DBF4: variants seen among roughly 807,000 people sequenced by gnomAD.
DBF4 encodes the protein DBF4-CDC7 kinase regulatory subunit.
A neutral mutation model predicts 76.6 loss-of-function variants in DBF4; 25 were observed. The observed-to-expected ratio is 0.33, with a 90% CI of 0.24 to 0.46. DBF4 has a LOEUF of 0.46. Ranked by LOEUF, DBF4 falls within the 20% of genes least tolerant of loss-of-function variation. DBF4 has a pLI of 1.00. For missense variants in DBF4, 638 were observed against 760.8 expected (o/e 0.84, Z 1.90); for synonymous variants, 213 against 258.0 (o/e 0.83, Z 1.67).
intron 11 of DBF4, among the ~76,000 whole-genome samples, chr7:87,906,390 G>A (rs1393331705): frequency 7.0e-6 from 1 of 142,808 alleles, no homozygotes; most frequent in Admixed American, 7.0e-5. Flanking sequence ...GTAAGTAAAT[G>A]TATGAACAAG....
In DBF4 at chr7:87,907,676, T is replaced by C; in HGVS notation, c.1538T>C (p.Phe513Ser). 1 of 1,614,076 alleles carries C rather than the reference T, an allele frequency of 6.2e-7. No individual in the cohort carries two copies. The highest frequency in any genetic ancestry group is 1.7e-4 in the Middle Eastern group (1 of 6,060). The change falls in exon 12 of 12, where the codon TTT (phenylalanine) becomes TCT (serine). Residue 513 changes from phenylalanine to serine, a missense_variant. Transcript: ENST00000265728. ...QPKQKSDTVL[F>S]PAKDLKEKDL... The stretch of plus-strand genomic sequence containing the variant: ...AAACAGAAGTCAGATACTGTGCTTT[T>C]TCCAGCAAAGGATCTCAAGGAAAAG...
chr7:87,885,147 T>G lies in DBF4; in HGVS notation c.388T>G (p.Ser130Ala). The G allele has an allele frequency of 3.1e-6, 5 of 1,608,950 alleles. No homozygotes were observed. Among genetic ancestry groups the G allele is most frequent in the Non-Finnish European group, 4.2e-6 (5 of 1,177,240 alleles). Residue 130 changes from serine to alanine, a missense_variant, in exon 3 of 12, where the codon TCA (serine) becomes GCA (alanine). Transcript: ENST00000265728. ...HPSHDGSSFK[S>A]PDTVCLSRGK... The stretch of plus-strand genomic sequence containing the variant: ...CAGCCATGATGGAAGTTCATTTAAG[T>G]CACCAGACACAGTAAGTCTCTTAAA...
chr7:87,891,241 G>T (rs1839480810), intron 6 of DBF4, among the ~76,000 whole-genome samples: 1 of 151,152 alleles, frequency 6.6e-6, no homozygotes, highest in Non-Finnish European at 1.5e-5. Context: ...TGTGCAGGAG[G>T]AATATTGGTC....
chr7:87,888,132 C>T, intron 6 of DBF4, 73 bp downstream of exon 6: 1 of 1,465,568 alleles, frequency 6.8e-7, no homozygotes, highest in Non-Finnish European at 9.0e-7. Flanking sequence ...AAGTTTTCCT[C>T]CCAAGCAGAA....
intron 10 of DBF4, among the ~76,000 whole-genome samples, chr7:87,903,470 T>C (rs1839839471): frequency 6.6e-6 from 1 of 152,222 alleles, no homozygotes; most frequent in Non-Finnish European, 1.5e-5. Context: ...CATTCCCAAA[T>C]GTGTTCTTCA....
intron 4 of DBF4, 133 bp from the exon 5 acceptor site, chr7:87,887,196 T>A: frequency 1.3e-6 from 1 of 741,294 alleles, no homozygotes; most frequent in Non-Finnish European, 2.2e-6. Flanking sequence ...ATGTCCTAGC[T>A]ATTGTAACTC....
intron 8 of DBF4, among the ~76,000 whole-genome samples, chr7:87,898,038 A>G (rs1052332364): frequency 6.6e-6 from 1 of 152,216 alleles, no homozygotes; most frequent in African/African-American, 2.4e-5. Flanking sequence ...TCAGCCTCCC[A>G]AAGTGCGGGG....
At chr7:87,892,425 T>C (rs912753932) in intron 6 of DBF4, among the ~76,000 whole-genome samples, 5 of 152,214 alleles carry the variant, frequency 3.3e-5, no homozygotes, top group African/African-American at 1.2e-4. Context: ...TTGACAGCTC[T>C]TTTTAAAATC....
In DBF4 at chr7:87,894,462, GA is replaced by G. The variant is rs577152993; in HGVS notation, c.598-2003del. ...AAGACCCTGTCTCGGGGAAAAAAAAGAAAAAAAAAGTTGGGTTTTAAAGAAA... is the reference window on the plus strand; with the variant it reads ...AAGACCCTGTCTCGGGGAAAAAAAAGAAAAAAAAGTTGGGTTTTAAAGAAA... On this transcript the variant is annotated intron_variant, in intron 6 of 11. Transcript: ENST00000265728. 3.6e-4 allele frequency among the ~76,000 whole-genome samples: 55 copies of G among 151,246 alleles called. 1 individual carries two copies. The East Asian group carries it at 5.6e-3, about 15-fold the overall frequency.
Position 87,907,300 on chromosome 7 carries a change from G to C in DBF4, c.1162G>C (p.Asp388His), listed in dbSNP as rs146586322. 593 of 1,613,828 alleles carry C rather than the reference G, an allele frequency of 3.7e-4. 1 individual carries two copies. The highest frequency in any genetic ancestry group is 4.8e-4 in the Non-Finnish European group (565 of 1,179,936). ...TATTTCTCAGAAAGATTGCCAGGAA[G>C]ATGATACAACAGTGAAGGAGCAGAA... Reference protein sequence around the residue: ...QHISQKDCQEDDTTVKEQNFL... With the variant: ...QHISQKDCQEHDTTVKEQNFL... The change falls in exon 12 of 12, where the codon GAT (aspartate) becomes CAT (histidine). Residue 388 changes from aspartate (D) to histidine (H), a missense_variant. Asp to His is a moderately conservative substitution (Grantham distance 81, BLOSUM62 -1). Transcript: ENST00000265728.
intron 4 of DBF4, 147 bp from the exon 5 acceptor site, chr7:87,887,182 C>G (rs1415647896): frequency 5.8e-6 from 4 of 692,708 alleles, no homozygotes; most frequent in Non-Finnish European, 9.3e-6. Flanking sequence ...TATAGAAAAT[C>G]TTGATGTCCT....
chr7:87,891,441 A>G (rs898663192), intron 6 of DBF4, among the ~76,000 whole-genome samples: 1 of 152,148 alleles, frequency 6.6e-6, no homozygotes, highest in African/African-American at 2.4e-5. Flanking sequence ...GAAGATTCTT[A>G]ACTATGAATT....
rs182872117 is a variant in DBF4 at position 87,884,169 on chromosome 7, T to C, written c.220-810T>C. 2.6e-5 allele frequency among the ~76,000 whole-genome samples: 4 copies of C among 152,320 alleles called. No homozygotes were observed. In the East Asian group the frequency reaches 5.8e-4, roughly 22 times the overall value. On this transcript the variant is annotated intron_variant, in intron 2 of 11. Coordinates refer to ENST00000265728, the MANE Select transcript of DBF4 (RefSeq NM_006716.4). The stretch of plus-strand genomic sequence containing the variant: ...ATGATTGATTTAGACTTGTATTGTC[T>C]GCTATGGTAACCATTAGTGATATGT...
rs753094335 is a variant in DBF4, at chr7:87,907,288, G to C, written c.1150G>C (p.Asp384His). The change falls in exon 12 of 12, where the codon GAT becomes CAT. Residue 384 changes from aspartate to histidine, a missense_variant. By Grantham distance (81) the Asp-to-His change is moderately conservative. Coordinates refer to ENST00000265728, the MANE Select transcript of DBF4 (RefSeq NM_006716.4). ...GGAATTGCAACATATTTCTCAGAAA[G>C]ATTGCCAGGAAGATGATACAACAGT... ...KVELQHISQK[D>H]CQEDDTTVKE... 20 of 1,613,820 alleles carry C rather than the reference G, an allele frequency of 1.2e-5. No individual in the cohort carries two copies. Among genetic ancestry groups the C allele is most frequent in the Admixed American group, 1.0e-4 (6 of 59,998 alleles).
At chr7:87,881,524 G>T (rs1452768518) in intron 2 of DBF4, among the ~76,000 whole-genome samples, 5 of 152,220 alleles carry the variant, frequency 3.3e-5, no homozygotes, top group Non-Finnish European at 5.9e-5. Context: ...AGAATGTCAA[G>T]AGAAAGGAGA....
rs750054692 is a variant in DBF4, at chr7:87,887,314, CTT to C, written c.451-6_451-5del. 4.5e-6 allele frequency: 6 copies of C among 1,345,438 alleles called. No homozygotes were observed. Among genetic ancestry groups the C allele is most frequent in the Admixed American group, 2.5e-5 (1 of 40,784 alleles). 83.3% of individuals were successfully genotyped at this position (1,345,438 alleles called of 1,614,324 possible). ...ATAATTTCCTAGAACAACCATAAAA[CTT>C]TTTTTTTTACAGGATTTTATTCCTT... On this transcript the variant is annotated splice_polypyrimidine_tract_variant and intron_variant, in intron 4 of 11. Transcript: ENST00000265728.
chr7:87,888,410 C>G, intron 6 of DBF4: 2 of 740,504 alleles, frequency 2.7e-6, no homozygotes. Flanking sequence ...TATGTACTAT[C>G]CTTTTCAACT....
chr7:87,876,676 C>T lies in DBF4; in HGVS notation c.-57C>T, dbSNP rs1839047864. On this transcript the variant is annotated 5_prime_UTR_variant, in exon 1 of 12. Transcript: ENST00000265728. ...CAGGCCGGGGGAAGCCGTGCTTTCG[C>T]GGCTGCCCGGTGCGACACTTTCTCC... is the stretch of plus-strand genomic sequence containing the variant. 8.2e-5 allele frequency: 132 copies of T among 1,601,032 alleles called. 1 individual carries two copies. In the South Asian group the frequency reaches 9.6e-4, roughly 12 times the overall value.
In DBF4 at chr7:87,908,319, G is replaced by C. The variant is rs1290388772; in HGVS notation, c.*156G>C. 1.4e-6 allele frequency: 1 copy of C among 715,738 alleles called. No homozygotes were observed. The highest frequency in any genetic ancestry group is 3.9e-5 in the Admixed American group (1 of 25,752). The allele number at this position is 715,738 out of a possible 1,614,324, so 44.3% of individuals were successfully genotyped here. Reference sequence around the variant, plus strand: ...AATATTTGCAATTTTCTACAGAATTGAATACCTGTTAAAGAAAAATTACAG... The same window carrying C: ...AATATTTGCAATTTTCTACAGAATTCAATACCTGTTAAAGAAAAATTACAG... On this transcript the variant is annotated 3_prime_UTR_variant, in exon 12 of 12. Coordinates refer to ENST00000265728, the MANE Select transcript of DBF4 (RefSeq NM_006716.4).
Sources: allele counts gnomAD v4.1 joint callset (sites outside exome capture counted in the v4.1 genomes callset), GRCh38; gene constraint gnomAD v4.1.1; transcripts MANE v1.5; gene names NCBI Gene and HGNC (gene_info 2026-07-23, HGNC 2026-07-21).